Variants in LUZP2 observed in about 807,000 individuals in gnomAD.
The protein encoded by LUZP2 is leucine zipper protein 2.
In LUZP2, 52 loss-of-function variants were observed where a neutral mutation model predicts 51.6. The observed-to-expected ratio is 1.01, with a 90% CI of 0.81 to 1.27. The LOEUF is 1.27. LUZP2 is among the 50% of genes most tolerant of loss of function. LUZP2 has a pLI of 0.00. For missense variants in LUZP2, 436 were observed against 395.4 expected (o/e 1.10, Z -0.87); for synonymous variants, 154 against 137.3 (o/e 1.12, Z -0.85).
intron 1 of LUZP2, among the ~76,000 whole-genome samples, chr11:24,501,139 TC>T (rs780891305): frequency 2.0e-5 from 3 of 152,232 alleles, no homozygotes; most frequent in Non-Finnish European, 2.9e-5. Context: ...CTACCTACGT[TC>T]CTTTATTTGT....
intron 1 of LUZP2, among the ~76,000 whole-genome samples, chr11:24,566,915 ATATG>A (rs1852257036): frequency 3.5e-4 from 1 of 2,858 alleles, no homozygotes; most frequent in Non-Finnish European, 7.0e-4. Flanking sequence ...ATATATATAT[ATATG>A]TATATATGTA....
intron 5 of LUZP2, among the ~76,000 whole-genome samples, chr11:24,845,542 G>A (rs1851172778): frequency 1.3e-5 from 2 of 152,062 alleles, no homozygotes; most frequent in Admixed American, 1.3e-4. Flanking sequence ...AGGGGCCAGA[G>A]GCAGAATGAT....
At chr11:24,882,801 A>T (rs1438120181) in intron 5 of LUZP2, among the ~76,000 whole-genome samples, 1 of 133,112 alleles carries the variant, frequency 7.5e-6, no homozygotes, top group Admixed American at 7.7e-5. Context: ...GAAGAAAGGA[A>T]GGAAGGGAAG....
chr11:24,782,003 T>C (rs1849110418), intron 5 of LUZP2, among the ~76,000 whole-genome samples: 1 of 152,046 alleles, frequency 6.6e-6, no homozygotes. Flanking sequence ...AAGTAAGTGC[T>C]TGTCAAATGC....
chr11:24,785,009 G>A (rs1245674490), intron 5 of LUZP2, among the ~76,000 whole-genome samples: 4 of 151,972 alleles, frequency 2.6e-5, no homozygotes, highest in Non-Finnish European at 5.9e-5. Context: ...TAATTCCACA[G>A]ATCTGTGGAA....
chr11:24,986,846 TC>T (rs577903029), intron 9 of LUZP2, among the ~76,000 whole-genome samples: 41 of 151,832 alleles, frequency 2.7e-4, no homozygotes, highest in African/African-American at 9.9e-4. Context: ...TCACCAAGAA[TC>T]CTACCACTTT....
intron 5 of LUZP2, among the ~76,000 whole-genome samples, chr11:24,869,526 A>C (rs1851994957): frequency 6.6e-6 from 1 of 151,964 alleles, no homozygotes; most frequent in Admixed American, 6.6e-5. Flanking sequence ...GCATGAATTC[A>C]GCTCATTGTA....
intron 1 of LUZP2, among the ~76,000 whole-genome samples, chr11:24,685,426 C>A (rs1169850778): frequency 6.6e-6 from 1 of 152,052 alleles, no homozygotes; most frequent in Non-Finnish European, 1.5e-5. Flanking sequence ...CCACATACAC[C>A]CTCCTCACAC....
chr11:24,503,605 C>T (rs1324948170), intron 1 of LUZP2, among the ~76,000 whole-genome samples: 3 of 152,132 alleles, frequency 2.0e-5, no homozygotes, highest in Non-Finnish European at 4.4e-5. Flanking sequence ...AAAAAGCCTA[C>T]GATTGGGACA....
chr11:24,543,594 G>A (rs748144719), intron 1 of LUZP2, among the ~76,000 whole-genome samples: 21 of 152,102 alleles, frequency 1.4e-4, no homozygotes, highest in Non-Finnish European at 2.1e-4. Flanking sequence ...GCCAAGGCGG[G>A]CAGATCACCT....
rs1554959941 is a variant in LUZP2, at chr11:25,043,560, G to GCATATATGTATCCAGGATATATGA, written c.766-6478_766-6477insCATATATGTATCCAGGATATATGA. On this transcript the variant is annotated intron_variant, in intron 9 of 11. Coordinates refer to ENST00000336930, the MANE Select transcript of LUZP2 (RefSeq NM_001009909.4). ...GCTGCAAAAAAAAGAAGCTCTGCAAGGATATATGTATCCAGGATATATGAT... is the reference window on the plus strand; with the variant it reads ...GCTGCAAAAAAAAGAAGCTCTGCAAGCATATATGTATCCAGGATATATGAGATATATGTATCCAGGATATATGAT... 2.0e-3 allele frequency among the ~76,000 whole-genome samples: 304 copies of GCATATATGTATCCAGGATATATGA among 149,514 alleles called. 2 individuals are homozygous for GCATATATGTATCCAGGATATATGA. The highest frequency in any genetic ancestry group is 3.5e-3 in the Middle Eastern group (1 of 284).
intron 1 of LUZP2, among the ~76,000 whole-genome samples, chr11:24,669,242 G>T (rs1856320244): frequency 6.6e-6 from 1 of 152,050 alleles, no homozygotes; most frequent in African/African-American, 2.4e-5. Context: ...AGTGAAATGA[G>T]CAGTTTGTTC....
chr11:24,920,603 C>T (rs892230118), intron 7 of LUZP2, among the ~76,000 whole-genome samples: 1 of 151,620 alleles, frequency 6.6e-6, no homozygotes, highest in Admixed American at 6.6e-5. Flanking sequence ...TGCTATTCAA[C>T]TATAAAAAAT....
At chr11:24,717,832 T>C (rs901391332) in intron 1 of LUZP2, among the ~76,000 whole-genome samples, 3 of 150,510 alleles carry the variant, frequency 2.0e-5, no homozygotes, top group African/African-American at 4.9e-5. Flanking sequence ...CTCCTACTTA[T>C]AAACGAGAGC....
intron 8 of LUZP2, among the ~76,000 whole-genome samples, chr11:24,979,597 A>G (rs1855971543): frequency 6.6e-6 from 1 of 151,888 alleles, no homozygotes. Context: ...GTCTCAGTTT[A>G]GTATCTCAGT....
At chr11:24,872,196 C>T (rs771036343) in intron 5 of LUZP2, among the ~76,000 whole-genome samples, 5 of 152,170 alleles carry the variant, frequency 3.3e-5, no homozygotes, top group Admixed American at 2.0e-4. Context: ...TTATTCTTAT[C>T]GGTGAATTTT....
chr11:24,962,563 C>G (rs1464958042), intron 7 of LUZP2, among the ~76,000 whole-genome samples: 1 of 152,234 alleles, frequency 6.6e-6, no homozygotes, highest in Non-Finnish European at 1.5e-5. Context: ...GCATCGGCTC[C>G]TGAGGCTTCT....
chr11:24,555,199 C>T (rs12146683), intron 1 of LUZP2, among the ~76,000 whole-genome samples: 28,660 of 151,754 alleles, frequency 0.19, 3,376 homozygotes, highest in Middle Eastern at 0.34. Flanking sequence ...GATTTAGAAG[C>T]GATATGGAAG....
intron 5 of LUZP2, chr11:24,892,416 C>T (rs1443149971): frequency 9.2e-6 from 9 of 980,404 alleles, no homozygotes; most frequent in Admixed American, 6.2e-5. Flanking sequence ...TCGATTAGCA[C>T]TTATTATAAA....
Sources: allele counts gnomAD v4.1 joint callset (sites outside exome capture counted in the v4.1 genomes callset), GRCh38; gene constraint gnomAD v4.1.1; transcripts MANE v1.5; gene names NCBI Gene and HGNC (gene_info 2026-07-23, HGNC 2026-07-21).